The following KAZN variants were observed in gnomAD, a reference collection of about 807,000 sequenced individuals.
KAZN encodes kazrin.
Under a neutral mutation model 87.4 loss-of-function variants are expected in KAZN, and 40 were observed. The ratio of observed to expected loss-of-function variants is 0.46; its 90% CI spans 0.36 to 0.60. KAZN has a LOEUF of 0.60. KAZN is among the 20% of genes least tolerant of loss of function. The pLI is 0.00. For missense variants in KAZN, 898 were observed against 1,073.9 expected (o/e 0.84, Z 2.29); for synonymous variants, 466 against 458.3 (o/e 1.02, Z -0.22).
At chr1:14,501,117 AAATAAATAAAT>A (rs1670223304) in intron 2 of KAZN, among the ~76,000 whole-genome samples, 4 of 148,426 alleles carry the variant, frequency 2.7e-5, no homozygotes, top group Non-Finnish European at 3.0e-5. Flanking sequence ...ATAAATAAAT[AAATAAATAAAT>A]AAAAATAATA....
At chr1:14,711,453 G>A (rs865928863) in intron 1 of KAZN, among the ~76,000 whole-genome samples, 1 of 152,154 alleles carries the variant, frequency 6.6e-6, no homozygotes, top group African/African-American at 2.4e-5. Flanking sequence ...GAGAAGAAAG[G>A]CACGACACGC....
intron 3 of KAZN, among the ~76,000 whole-genome samples, chr1:15,036,228 C>T (rs1672251841): frequency 3.7e-5 from 2 of 53,448 alleles, no homozygotes; most frequent in East Asian, 3.2e-4. Flanking sequence ...ACCTCTCCCC[C>T]CATCCCCCTC....
intron 2 of KAZN, among the ~76,000 whole-genome samples, chr1:14,968,319 G>T (rs1664671781): frequency 6.6e-6 from 1 of 152,174 alleles, no homozygotes; most frequent in East Asian, 1.9e-4. Flanking sequence ...AGGAGGTGGA[G>T]CTCCGGCGGT....
At chr1:14,821,940 A>G (rs1646748297) in intron 1 of KAZN, among the ~76,000 whole-genome samples, 1 of 152,186 alleles carries the variant, frequency 6.6e-6, no homozygotes, top group African/African-American at 2.4e-5. Context: ...TTTTCTTACC[A>G]GACCACACTG....
At chr1:14,272,409 G>C (rs1652018583) in intron 2 of KAZN, among the ~76,000 whole-genome samples, 1 of 152,162 alleles carries the variant, frequency 6.6e-6, no homozygotes, top group Admixed American at 6.6e-5. Context: ...TGAGGACTAG[G>C]CTACATGAGT....
intron 2 of KAZN, among the ~76,000 whole-genome samples, chr1:14,336,409 G>A (rs975738225): frequency 1.3e-5 from 2 of 152,156 alleles, no homozygotes; most frequent in Non-Finnish European, 2.9e-5. Flanking sequence ...GGGCTATAAC[G>A]AAGGATGATG....
At chr1:14,841,043 C>G (rs150652418) in intron 1 of KAZN, among the ~76,000 whole-genome samples, 289 of 152,240 alleles carry the variant, frequency 1.9e-3, no homozygotes, top group African/African-American at 6.5e-3. Context: ...GCATCAACAA[C>G]AAGTGTAAAG....
intron 2 of KAZN, among the ~76,000 whole-genome samples, chr1:14,473,360 G>A (rs77451435): frequency 6.6e-5 from 10 of 152,168 alleles, no homozygotes; most frequent in African/African-American, 2.2e-4. Flanking sequence ...TGGGCGTGGT[G>A]GCTCACGCCT....
chr1:13,914,814 G>T (rs116149158), intron 1 of KAZN, among the ~76,000 whole-genome samples: 1 of 152,318 alleles, frequency 6.6e-6, no homozygotes, highest in South Asian at 2.1e-4. Context: ...GCAGGTGGCT[G>T]CAATGGGAAC....
At chr1:14,497,737 G>T (rs909189785) in intron 2 of KAZN, among the ~76,000 whole-genome samples, 2 of 152,046 alleles carry the variant, frequency 1.3e-5, no homozygotes, top group African/African-American at 2.4e-5. Context: ...GTTAGGGCTT[G>T]GCTTCCAATA....
chr1:14,848,708 CGTGA>C (rs1261212352), intron 1 of KAZN, among the ~76,000 whole-genome samples: 8 of 152,190 alleles, frequency 5.3e-5, no homozygotes, highest in African/African-American at 1.9e-4. Context: ...CCGCTCTCCC[CGTGA>C]GTGATTAAAA....
intron 2 of KAZN, among the ~76,000 whole-genome samples, chr1:14,592,001 G>A (rs553876777): frequency 2.6e-5 from 4 of 152,224 alleles, no homozygotes; most frequent in African/African-American, 9.6e-5. Context: ...TTGGGGTTCC[G>A]CGGCCTGCAC....
intron 1 of KAZN, among the ~76,000 whole-genome samples, chr1:14,055,308 G>A (rs900225344): frequency 6.6e-6 from 1 of 152,230 alleles, no homozygotes; most frequent in African/African-American, 2.4e-5. Flanking sequence ...CTCAATAAAT[G>A]TAAGTGGCAG....
chr1:14,175,655 A>G (rs777334680), intron 1 of KAZN, among the ~76,000 whole-genome samples: 1 of 152,172 alleles, frequency 6.6e-6, no homozygotes, highest in South Asian at 2.1e-4. Context: ...AGAACCCCAA[A>G]TCCGCTAGCC....
chr1:14,867,573 G>C (rs935263525), intron 1 of KAZN, among the ~76,000 whole-genome samples: 7 of 152,182 alleles, frequency 4.6e-5, no homozygotes, highest in Non-Finnish European at 2.9e-5. Context: ...CAAGGACGCC[G>C]AGAGGATGAA....
intron 2 of KAZN, among the ~76,000 whole-genome samples, chr1:14,397,066 G>A (rs1295570248): frequency 1.3e-5 from 2 of 152,170 alleles, no homozygotes; most frequent in African/African-American, 4.8e-5. Flanking sequence ...TACAGTCAAT[G>A]TATCTTTGTA....
intron 2 of KAZN, among the ~76,000 whole-genome samples, chr1:14,500,548 C>T (rs1350818057): frequency 6.6e-6 from 1 of 151,302 alleles, no homozygotes; most frequent in Non-Finnish European, 1.5e-5. Context: ...ATTAGAAAAC[C>T]AAGAGCAAAC....
intron 1 of KAZN, among the ~76,000 whole-genome samples, chr1:13,968,354 G>A (rs1357970066): frequency 2.0e-5 from 3 of 152,178 alleles, no homozygotes; most frequent in Non-Finnish European, 4.4e-5. Flanking sequence ...TTGTGAAAAG[G>A]TCCAGACGGA....
chr1:14,032,081 T>C (rs1641352904), intron 1 of KAZN, among the ~76,000 whole-genome samples: 1 of 152,194 alleles, frequency 6.6e-6, no homozygotes, highest in Non-Finnish European at 1.5e-5. Flanking sequence ...GTACTTCTGC[T>C]GGGGTCTCCC....
Sources: gnomAD v4.1 joint callset for allele counts (sites outside exome capture counted in the v4.1 genomes callset) on GRCh38, gnomAD v4.1.1 for gene constraint, MANE v1.5 for transcripts, NCBI Gene and HGNC (gene_info 2026-07-23, HGNC 2026-07-21) for gene names.